UNC13A: variants seen among roughly 807,000 people sequenced by gnomAD.
UNC13A encodes the protein unc-13 homolog A, also known as protein unc-13 homolog A.
Under a neutral mutation model 219.7 loss-of-function variants are expected in UNC13A, and 61 were observed. The observed-to-expected ratio is 0.28, with a 90% CI of 0.23 to 0.34. The LOEUF is 0.34. Among genes scored for constraint, UNC13A ranks in the 10% least tolerant of loss-of-function variants. The pLI, the probability that UNC13A is intolerant of heterozygous loss-of-function variation, is 1.00. For missense variants in UNC13A, 1,476 were observed against 2,270.3 expected, an observed-to-expected ratio of 0.65 and a Z score of 7.11; for synonymous variants, 920 against 884.6, an observed-to-expected ratio of 1.04 and a Z score of -0.71.
intron 2 of UNC13A, 70 bp downstream of exon 2, chr19:17,675,938 CCCCT>C: frequency 6.6e-7 from 1 of 1,526,386 alleles, no homozygotes; most frequent in Non-Finnish European, 8.9e-7. Context: ...GGGCTGGGAC[CCCCT>C]CCCAGTCTCT....
chr19:17,658,555 C>A (rs1460477447), intron 8 of UNC13A, among the ~76,000 whole-genome samples: 1 of 152,110 alleles, frequency 6.6e-6, no homozygotes, highest in African/African-American at 2.4e-5. Flanking sequence ...TCCTTCAGCT[C>A]AAATGTGAAG....
intron 8 of UNC13A, among the ~76,000 whole-genome samples, chr19:17,660,594 C>T (rs1205638649): frequency 1.3e-5 from 2 of 148,630 alleles, no homozygotes; most frequent in African/African-American, 2.5e-5. Context: ...TGCAATGGTA[C>T]GATCTCGGCT....
chr19:17,643,394 A>G (rs914200849), intron 19 of UNC13A, among the ~76,000 whole-genome samples: 7 of 151,776 alleles, frequency 4.6e-5, no homozygotes, highest in Admixed American at 3.3e-4. Context: ...ATCTTGGCTC[A>G]CTGCAATCTC....
intron 41 of UNC13A, among the ~76,000 whole-genome samples, chr19:17,616,669 T>TCCAGGGACA (rs2076668956): frequency 6.6e-6 from 1 of 151,976 alleles, no homozygotes; most frequent in African/African-American, 2.4e-5. Flanking sequence ...AGCCTCCTGC[T>TCCAGGGACA]CCAGGGACAC....
intron 11 of UNC13A, among the ~76,000 whole-genome samples, chr19:17,653,451 G>A (rs529241925): frequency 7.9e-5 from 12 of 151,894 alleles, no homozygotes; most frequent in East Asian, 1.9e-4. Flanking sequence ...GGGTTCAAGC[G>A]ATTCTCCTGC....
chr19:17,607,463 G>GT lies in UNC13A; in HGVS notation c.4812-1110_4812-1109insA, dbSNP rs1486984959. 6.1e-5 allele frequency among the ~76,000 whole-genome samples: 8 copies of GT among 132,178 alleles called. No homozygotes were observed. The East Asian group carries it at 1.9e-3, about 31-fold the overall frequency. 86.7% of individuals were successfully genotyped at this position (132,178 alleles called of 152,430 possible). The stretch of plus-strand genomic sequence containing the variant: ...TTTTTAGTACAGATGGGGGTGGCGG[G>GT]GGGGGGGGTCTCACCATGTTGGCCA... On this transcript the variant is annotated intron_variant, in intron 43 of 43. Coordinates refer to ENST00000519716, the MANE Select transcript of UNC13A (RefSeq NM_001080421.3).
chr19:17,655,226 C>T (rs750511536), intron 11 of UNC13A, 48 bp downstream of exon 11: 17 of 1,462,042 alleles, frequency 1.2e-5, no homozygotes, highest in South Asian at 3.6e-5. Flanking sequence ...TGCCATTGGG[C>T]GTGGCCTGGC....
At chr19:17,616,332 T>TTACTAGCC in intron 41 of UNC13A, 2 of 661,864 alleles carry the variant, frequency 3.0e-6, no homozygotes, top group Non-Finnish European at 5.5e-6. Context: ...GACGATCCTT[T>TTACTAGCC]TACTAGCCGG....
At chr19:17,670,678 C>T (rs1330949440) in intron 4 of UNC13A, among the ~76,000 whole-genome samples, 2 of 152,128 alleles carry the variant, frequency 1.3e-5, no homozygotes, top group East Asian at 3.9e-4. Context: ...CCAAGGTGGG[C>T]GGATCACTTG....
intron 23 of UNC13A, 91 bp downstream of exon 23, chr19:17,639,749 G>C: frequency 7.0e-7 from 1 of 1,436,612 alleles, no homozygotes; most frequent in Non-Finnish European, 9.8e-7. Context: ...GCGAAGATGG[G>C]TCCTCCCATG....
At chr19:17,621,272 C>T (rs896134828) in intron 37 of UNC13A, among the ~76,000 whole-genome samples, 1 of 152,118 alleles carries the variant, frequency 6.6e-6, no homozygotes, top group African/African-American at 2.4e-5. Flanking sequence ...GCCTGGGACA[C>T]TGAATGTGCC....
chr19:17,647,156 C>G (rs555508483), intron 17 of UNC13A, 109 bp downstream of exon 17: 10 of 1,049,196 alleles, frequency 9.5e-6, no homozygotes, highest in Middle Eastern at 3.2e-4. Flanking sequence ...TGCACCCGAC[C>G]GAGTGAGTGC....
intron 41 of UNC13A, among the ~76,000 whole-genome samples, chr19:17,617,371 T>TACG (rs1313661288): frequency 1.3e-5 from 2 of 152,132 alleles, no homozygotes; most frequent in South Asian, 2.1e-4. Context: ...CTTGTGGCCC[T>TACG]ACGACGTCAC....
At chr19:17,686,738 C>T (rs971625807) in intron 1 of UNC13A, among the ~76,000 whole-genome samples, 2 of 151,954 alleles carry the variant, frequency 1.3e-5, no homozygotes. Flanking sequence ...CACGCCGGCC[C>T]AGCCCGGCCG....
At chr19:17,637,531 C>G (rs1041380751) in intron 25 of UNC13A, among the ~76,000 whole-genome samples, 1 of 152,116 alleles carries the variant, frequency 6.6e-6, no homozygotes, top group Non-Finnish European at 1.5e-5. Flanking sequence ...ATCTCCTGAC[C>G]TCATGATCCA....
chr19:17,640,756 G>C, intron 21 of UNC13A, 95 bp from the exon 22 acceptor site: 1 of 1,359,240 alleles, frequency 7.4e-7, no homozygotes, highest in Non-Finnish European at 9.8e-7. Context: ...TCTGTGAGTG[G>C]GTCTCTGTCA....
rs745356526 is a variant in UNC13A, at chr19:17,624,901, C to T, written c.4125G>A (p.Leu1375=). The part of the protein sequence containing the change: ...ICEKTVLKRV[L]KELWKLVMNT... ...TCATAACCAGCTTCCACAGCTCCTT[C>T]AGCACTCGCTTCAGCACAGTCTTCT... Residue 1375 remains leucine (L), a synonymous_variant, in exon 35 of 44, where the codon CTG becomes CTA. Coordinates refer to ENST00000519716, the MANE Select transcript of UNC13A (RefSeq NM_001080421.3). 1 of 1,613,904 alleles carries T rather than the reference C, an allele frequency of 6.2e-7. No homozygotes were observed. Among genetic ancestry groups the T allele is most frequent in the South Asian group, 1.1e-5 (1 of 91,070 alleles).
rs570696929 is a variant in UNC13A, at chr19:17,629,410, G to A, written c.3670-87C>T. 3,528 of 1,234,574 alleles carry A rather than the reference G, an allele frequency of 2.9e-3. 8 individuals are homozygous for A. The highest frequency in any genetic ancestry group is 3.7e-3 in the Admixed American group (182 of 49,744). The allele number at this position is 1,234,574 out of a possible 1,614,324, so 76.5% of individuals were successfully genotyped here. A position where few individuals can be genotyped will look rare whatever the true frequency, so the allele number is the denominator to read the frequency against. Reference sequence around the variant, plus strand: ...CCCATCAAGGCCACTAGTGAGATCAGTGATGAACCCAAACCCTATTAGGAC... The same window carrying A: ...CCCATCAAGGCCACTAGTGAGATCAATGATGAACCCAAACCCTATTAGGAC... On this transcript the variant is annotated intron_variant, in intron 30 of 43. Coordinates refer to ENST00000519716, the MANE Select transcript of UNC13A (RefSeq NM_001080421.3).
intron 17 of UNC13A, 150 bp downstream of exon 17, chr19:17,647,115 A>G (rs77373848): frequency 1.4e-6 from 1 of 727,732 alleles, no homozygotes; most frequent in Non-Finnish European, 2.3e-6. Context: ...ATGTCCCCCC[A>G]TATGCGTGCA....
Sources: gnomAD v4.1 joint callset for allele counts (sites outside exome capture counted in the v4.1 genomes callset) on GRCh38, gnomAD v4.1.1 for gene constraint, MANE v1.5 for transcripts, NCBI Gene and HGNC (gene_info 2026-07-23, HGNC 2026-07-21) for gene names.